NMNAT2: variants seen among roughly 807,000 people sequenced by gnomAD.
The protein encoded by NMNAT2 is nicotinamide nucleotide adenylyltransferase 2.
A neutral mutation model predicts 41.6 loss-of-function variants in NMNAT2; 11 were observed. The observed-to-expected ratio is 0.26, with a 90% CI of 0.17 to 0.44. The LOEUF (loss-of-function observed/expected upper bound fraction) is 0.44, where lower values mean the gene tolerates loss of function less well. NMNAT2 is among the 20% of genes least tolerant of loss of function. The probability of loss-of-function intolerance (pLI) is 1.00; values close to 1 mark genes in which losing one functional copy is unlikely to be tolerated. For missense variants in NMNAT2, 288 were observed against 407.7 expected (o/e 0.71, Z 2.53); for synonymous variants, 148 against 151.2 (o/e 0.98, Z 0.16).
At chr1:183,390,026 C>T (rs183743914) in intron 1 of NMNAT2, among the ~76,000 whole-genome samples, 336 of 151,988 alleles carry the variant, frequency 2.2e-3, no homozygotes, top group Admixed American at 3.9e-3. Flanking sequence ...AAGCTCATCA[C>T]GATATAGAAC....
At chr1:183,374,577 C>T (rs1663631773) in intron 1 of NMNAT2, among the ~76,000 whole-genome samples, 1 of 152,256 alleles carries the variant, frequency 6.6e-6, no homozygotes, top group Admixed American at 6.5e-5. Context: ...TCTTAATTTA[C>T]ATTCATTTTC....
intron 1 of NMNAT2, among the ~76,000 whole-genome samples, chr1:183,395,638 G>A (rs999450262): frequency 2.0e-5 from 3 of 152,150 alleles, no homozygotes; most frequent in Admixed American, 6.5e-5. Flanking sequence ...GTGAAATGAA[G>A]CACTGGGACC....
chr1:183,266,249 C>T (rs1209193037), intron 8 of NMNAT2, among the ~76,000 whole-genome samples: 1 of 152,204 alleles, frequency 6.6e-6, no homozygotes, highest in African/African-American at 2.4e-5. Context: ...ATTTGGATTG[C>T]TCTGGTCTCC....
At chr1:183,285,341 C>T (rs1329338394) in intron 5 of NMNAT2, among the ~76,000 whole-genome samples, 1 of 152,204 alleles carries the variant, frequency 6.6e-6, no homozygotes, top group Non-Finnish European at 1.5e-5. Flanking sequence ...GCTACACCCA[C>T]ATCCAAGGAG....
chr1:183,397,289 A>G (rs1648675535), intron 1 of NMNAT2, among the ~76,000 whole-genome samples: 2 of 152,126 alleles, frequency 1.3e-5, no homozygotes, highest in Admixed American at 1.3e-4. Flanking sequence ...TATCAGCTTG[A>G]CACAAGTTAC....
intron 1 of NMNAT2, among the ~76,000 whole-genome samples, chr1:183,363,938 T>C (rs1446983902): frequency 1.3e-5 from 2 of 152,216 alleles, no homozygotes; most frequent in African/African-American, 4.8e-5. Context: ...AACCTAGTAA[T>C]TTTAGTCTCC....
chr1:183,260,923 C>A, intron 10 of NMNAT2, 79 bp downstream of exon 10: 1 of 1,114,444 alleles, frequency 9.0e-7, no homozygotes, highest in South Asian at 1.2e-5. Context: ...ATCTTAGGGT[C>A]ATCTTTGATG....
At chr1:183,262,850 A>T (rs1245535159) in intron 8 of NMNAT2, among the ~76,000 whole-genome samples, 2 of 152,196 alleles carry the variant, frequency 1.3e-5, no homozygotes, top group Non-Finnish European at 2.9e-5. Context: ...ATGGGGGAAG[A>T]GGGGAGGAGG....
chr1:183,347,957 A>G (rs1662967841), intron 1 of NMNAT2, among the ~76,000 whole-genome samples: 1 of 152,084 alleles, frequency 6.6e-6, no homozygotes. Context: ...ACAAATGGGG[A>G]CATGTCCACT....
At chr1:183,350,929 G>T (rs1422175188) in intron 1 of NMNAT2, among the ~76,000 whole-genome samples, 2 of 152,162 alleles carry the variant, frequency 1.3e-5, no homozygotes, top group Non-Finnish European at 2.9e-5. Context: ...ACATGTATTT[G>T]AAGGAAAATT....
intron 1 of NMNAT2, among the ~76,000 whole-genome samples, chr1:183,372,087 TCTC>T (rs375826035): frequency 3.7e-4 from 57 of 152,232 alleles, no homozygotes; most frequent in African/African-American, 1.3e-3. Flanking sequence ...AGCCATATCT[TCTC>T]CTCTTTGCAG....
chr1:183,388,186 C>G (rs1303769714), intron 1 of NMNAT2, among the ~76,000 whole-genome samples: 1 of 152,200 alleles, frequency 6.6e-6, no homozygotes, highest in East Asian at 1.9e-4. Flanking sequence ...TGGACCTAAC[C>G]ATTAGGCTCT....
chr1:183,416,662 G>GCCT (rs1158372164), intron 1 of NMNAT2, among the ~76,000 whole-genome samples: 1 of 152,154 alleles, frequency 6.6e-6, no homozygotes, highest in Non-Finnish European at 1.5e-5. Flanking sequence ...CTATCTCTCA[G>GCCT]CCTCCCTCCT....
intron 4 of NMNAT2, 119 bp from the exon 5 acceptor site, chr1:183,286,907 C>A: frequency 9.2e-7 from 1 of 1,083,612 alleles, no homozygotes; most frequent in Non-Finnish European, 1.3e-6. Flanking sequence ...GAGGAAGAGC[C>A]CTGGGGATGG....
intron 1 of NMNAT2, among the ~76,000 whole-genome samples, chr1:183,334,670 C>A (rs544240595): frequency 3.0e-4 from 46 of 152,028 alleles, no homozygotes; most frequent in African/African-American, 1.1e-3. Flanking sequence ...CCACCAAGCC[C>A]AGCTAATTTT....
Position 183,297,534 on chromosome 1 carries a change from C to A in NMNAT2, c.86-3741G>T, listed in dbSNP as rs12047459. Among the ~76,000 whole-genome samples, 378 of 152,144 alleles carry A rather than the reference C, an allele frequency of 2.5e-3. 10 individuals carry two copies. In the East Asian group the frequency reaches 0.058, roughly 23 times the overall value. ...AGTAGCTGGAATTACAGGGATGTGC[C>A]ACCATCCCCGGCTAATTTTGTATTT... On this transcript the variant is annotated intron_variant, in intron 1 of 10. Coordinates refer to ENST00000287713, the MANE Select transcript of NMNAT2 (RefSeq NM_015039.4).
rs112173829 is a variant in NMNAT2, at chr1:183,310,672, G to A, written c.86-16879C>T. Among the ~76,000 whole-genome samples, 180 of 152,296 alleles carry A rather than the reference G, an allele frequency of 1.2e-3. 1 individual carries two copies. Among genetic ancestry groups the A allele is most frequent in the Non-Finnish European group, 1.5e-3 (104 of 68,022 alleles). The stretch of plus-strand genomic sequence containing the variant: ...TTAGTTGGCAGAAGCCAGGGGTTTT[G>A]CTTAACATCCTATAATGCACAGGAC... On this transcript the variant is annotated intron_variant, in intron 1 of 10. Coordinates refer to ENST00000287713, the MANE Select transcript of NMNAT2 (RefSeq NM_015039.4).
At chr1:183,260,572 C>T (rs1470312249) in intron 10 of NMNAT2, among the ~76,000 whole-genome samples, 2 of 152,126 alleles carry the variant, frequency 1.3e-5, no homozygotes, top group Non-Finnish European at 2.9e-5. Context: ...ATTCTCAGCA[C>T]TTTGGGAGGC....
chr1:183,364,655 A>ATTTCTTTC lies in NMNAT2; in HGVS notation c.85+53520_85+53527dup, dbSNP rs369286067. On this transcript the variant is annotated intron_variant, in intron 1 of 10. Coordinates refer to ENST00000287713, the MANE Select transcript of NMNAT2 (RefSeq NM_015039.4). ...GATAAATTCAAGCAAGGGGAGGATG[A>ATTTCTTTC]TTTCTTTCTTTCTTACTTTCTTTCT... 3.4e-3 allele frequency among the ~76,000 whole-genome samples: 491 copies of ATTTCTTTC among 143,082 alleles called. 11 individuals are homozygous for ATTTCTTTC. Among genetic ancestry groups the ATTTCTTTC allele is most frequent in the Admixed American group, 0.03 (429 of 14,238 alleles). 93.9% of individuals were successfully genotyped at this position (143,082 alleles called of 152,430 possible). A position where few individuals can be genotyped will look rare whatever the true frequency, so the allele number is the denominator to read the frequency against.
Sources: allele counts gnomAD v4.1 joint callset (sites outside exome capture counted in the v4.1 genomes callset), GRCh38; gene constraint gnomAD v4.1.1; transcripts MANE v1.5; gene names NCBI Gene and HGNC (gene_info 2026-07-23, HGNC 2026-07-21).